EYS: variants seen among roughly 807,000 people sequenced by gnomAD.
EYS encodes the protein protein eyes shut homolog.
Under a neutral mutation model 282.1 loss-of-function variants are expected in EYS, and 250 were observed. The observed-to-expected ratio is 0.89, with a 90% CI of 0.80 to 0.98. EYS has a LOEUF of 0.98. EYS is among the 50% of genes least tolerant of loss of function. EYS has a pLI of 0.00. For synonymous variants in EYS, 1,355 were observed against 1,282.9 expected (o/e 1.06, Z -1.20); for missense variants, 4,016 against 3,709.0 (o/e 1.08, Z -2.15).
At chr6:63,967,944 C>T (rs1286673243) in intron 35 of EYS, among the ~76,000 whole-genome samples, 1 of 152,080 alleles carries the variant, frequency 6.6e-6, no homozygotes, top group Non-Finnish European at 1.5e-5. Context: ...CCTCAAATCG[C>T]ATAGCTTTTA....
intron 26 of EYS, among the ~76,000 whole-genome samples, chr6:64,512,721 A>G (rs958996783): frequency 6.6e-6 from 1 of 152,066 alleles, no homozygotes; most frequent in Non-Finnish European, 1.5e-5. Context: ...AACAAAGCAC[A>G]GGTGATTTTC....
chr6:64,226,246 TTTAAC>T (rs1366120707), intron 31 of EYS, among the ~76,000 whole-genome samples: 4 of 152,138 alleles, frequency 2.6e-5, no homozygotes, highest in Non-Finnish European at 5.9e-5. Context: ...AGTCTATTTT[TTTAAC>T]AAGACAAAAC....
chr6:65,039,150 A>C (rs1197897215), intron 13 of EYS, among the ~76,000 whole-genome samples: 2 of 151,544 alleles, frequency 1.3e-5, no homozygotes, highest in Non-Finnish European at 3.0e-5. Context: ...TAGGTTTTAC[A>C]TAGAGAATGA....
chr6:65,211,333 T>A (rs1326399825), intron 12 of EYS, among the ~76,000 whole-genome samples: 2 of 152,002 alleles, frequency 1.3e-5, no homozygotes, highest in African/African-American at 4.8e-5. Context: ...AAAAATGTAG[T>A]TTGTAGAATC....
At chr6:64,319,218 T>G (rs1470504382) in intron 29 of EYS, among the ~76,000 whole-genome samples, 1 of 151,900 alleles carries the variant, frequency 6.6e-6, no homozygotes, top group African/African-American at 2.4e-5. Context: ...AATTAAGAAA[T>G]AGTCAATTGG....
At chr6:64,238,182 T>C (rs2150341763) in intron 30 of EYS, among the ~76,000 whole-genome samples, 1 of 152,304 alleles carries the variant, frequency 6.6e-6, no homozygotes, top group Admixed American at 6.5e-5. Context: ...TCTTTAGCTA[T>C]TACACAGTCA....
At chr6:64,909,657 CTTTA>C (rs1367697140) in intron 16 of EYS, among the ~76,000 whole-genome samples, 2 of 151,926 alleles carry the variant, frequency 1.3e-5, no homozygotes, top group Non-Finnish European at 2.9e-5. Flanking sequence ...AAGCTTTGCC[CTTTA>C]TTTATCTCAC....
intron 13 of EYS, among the ~76,000 whole-genome samples, chr6:65,057,354 T>C (rs981851289): frequency 5.9e-5 from 9 of 152,150 alleles, no homozygotes; most frequent in East Asian, 3.9e-4. Flanking sequence ...CCTTACTTTT[T>C]TATTGTATCT....
rs6908347 is a variant in EYS at position 65,642,708 on chromosome 6, G to C, written c.-447-2816C>G. ...ACTTCTATTAGTTCTAGTTTTCCCT[G>C]TGATTTCAGTCTAATAAGTATTTCT... On this transcript the variant is annotated intron_variant, in intron 1 of 42. Transcript: ENST00000503581. 6.6e-5 allele frequency among the ~76,000 whole-genome samples: 10 copies of C among 151,908 alleles called. No individual in the cohort carries two copies. In the South Asian group the frequency reaches 1.5e-3, roughly 22 times the overall value.
At chr6:63,920,523 G>A (rs1764540599) in intron 35 of EYS, among the ~76,000 whole-genome samples, 1 of 152,170 alleles carries the variant, frequency 6.6e-6, no homozygotes. Flanking sequence ...GGCTCTAGGA[G>A]TGGCAAAAAC....
chr6:64,431,138 AC>A (rs34299359), intron 28 of EYS, among the ~76,000 whole-genome samples: 33,500 of 151,938 alleles, frequency 0.22, 4,523 homozygotes, highest in East Asian at 0.39. Context: ...AAAGGAATAC[AC>A]ATTCAGGCTT....
intron 26 of EYS, among the ~76,000 whole-genome samples, chr6:64,494,769 T>C (rs1776841351): frequency 6.6e-6 from 1 of 151,724 alleles, no homozygotes; most frequent in Non-Finnish European, 1.5e-5. Flanking sequence ...ATTCTTTGGC[T>C]TCTCTGGGCC....
At chr6:65,673,733 C>T (rs1374193800) in intron 1 of EYS, among the ~76,000 whole-genome samples, 4 of 152,006 alleles carry the variant, frequency 2.6e-5, no homozygotes, top group South Asian at 2.1e-4. Context: ...AAAGGCCGGT[C>T]TGTTACTGGA....
At chr6:64,202,944 G>A (rs753910992) in intron 31 of EYS, among the ~76,000 whole-genome samples, 9 of 152,192 alleles carry the variant, frequency 5.9e-5, no homozygotes, top group Non-Finnish European at 1.2e-4. Flanking sequence ...CAGACTTCTA[G>A]TCTCCACATT....
At chr6:64,970,810 A>G (rs902503247) in intron 14 of EYS, among the ~76,000 whole-genome samples, 1 of 152,162 alleles carries the variant, frequency 6.6e-6, no homozygotes, top group Non-Finnish European at 1.5e-5. Context: ...GATATGTACC[A>G]TAGAATGAGG....
intron 9 of EYS, among the ~76,000 whole-genome samples, chr6:65,345,507 A>C (rs2150321074): frequency 6.6e-6 from 1 of 151,884 alleles, no homozygotes; most frequent in East Asian, 1.9e-4. Flanking sequence ...TATTTCAAGT[A>C]TGCTTTTGTG....
intron 12 of EYS, among the ~76,000 whole-genome samples, chr6:65,120,070 C>T (rs1775487605): frequency 1.4e-5 from 2 of 142,666 alleles, no homozygotes; most frequent in Admixed American, 1.4e-4. Context: ...GAGAATGGCG[C>T]AAAACCGGCA....
Position 65,395,098 on chromosome 6 carries a change from T to C in EYS, c.1184+7380A>G, listed in dbSNP as rs575577630. Among the ~76,000 whole-genome samples, 14 of 152,352 alleles carry C rather than the reference T, an allele frequency of 9.2e-5. No homozygotes were observed. The South Asian group carries it at 2.5e-3, about 27-fold the overall frequency. On this transcript the variant is annotated intron_variant, in intron 7 of 42. Coordinates refer to ENST00000503581, the MANE Select transcript of EYS (RefSeq NM_001142800.2). ...TCTGTTTTGAGACAGAGTTTCGCTCTTGTGGCCCAGGCCGGAGTGCAATGG... is the reference window on the plus strand; with the variant it reads ...TCTGTTTTGAGACAGAGTTTCGCTCCTGTGGCCCAGGCCGGAGTGCAATGG...
Position 65,067,365 on chromosome 6 carries a change from T to TA in EYS, c.2024-9639dup, listed in dbSNP as rs374149874. Among the ~76,000 whole-genome samples, 140 of 151,072 alleles carry TA rather than the reference T, an allele frequency of 9.3e-4. 1 individual carries two copies. Among genetic ancestry groups the TA allele is most frequent in the Admixed American group, 2.9e-3 (44 of 15,164 alleles). The stretch of plus-strand genomic sequence containing the variant: ...GGAGTCTAACACAAACAGTAAAGGA[T>TA]AAAAAAAAATAATGAAATCTAAGAT... On this transcript the variant is annotated intron_variant, in intron 12 of 42. Coordinates refer to ENST00000503581, the MANE Select transcript of EYS (RefSeq NM_001142800.2).
Sources: gnomAD v4.1 joint callset for allele counts (sites outside exome capture counted in the v4.1 genomes callset) on GRCh38, gnomAD v4.1.1 for gene constraint, MANE v1.5 for transcripts, NCBI Gene and HGNC (gene_info 2026-07-23, HGNC 2026-07-21) for gene names.